The following NOTCH1 variants were observed in gnomAD, a reference collection of about 807,000 sequenced individuals.
NOTCH1 encodes the protein neurogenic locus notch homolog protein 1.
In NOTCH1, 37 loss-of-function variants were observed where a neutral mutation model predicts 254.8. That is an observed-to-expected ratio of 0.15 (90% CI 0.11 to 0.19). The LOEUF (loss-of-function observed/expected upper bound fraction) is 0.19, where lower values mean the gene tolerates loss of function less well. Among genes scored for constraint, NOTCH1 ranks in the 10% least tolerant of loss-of-function variants. The pLI is 1.00. For missense variants in NOTCH1, 2,972 were observed against 3,708.6 expected (o/e 0.80, Z 5.16); for synonymous variants, 1,731 against 1,618.1 (o/e 1.07, Z -1.68).
At position 136,496,668 on chromosome 9, in the gene NOTCH1, G is replaced by T. The variant is rs61751487; in HGVS notation, c.7071C>A (p.Ser2357Arg). The change falls in exon 34 of 34, where the codon AGC (serine) becomes AGA (arginine). Residue 2357 changes from serine to arginine, a missense_variant. Physicochemically the swap from Ser to Arg is moderately radical, Grantham distance 110. Around this residue, in one of 8 missense-constraint regions of NOTCH1, gnomAD observed 529 missense variants for 529.2 expected, o/e 1.00. Transcript: ENST00000651671. ...GGTAGCTCATCATCTGGGACAGGGC[G>T]CTGGCAGCAAGGCTACTGTGCAGCG... ...VGPLHSSLAASALSQMMSYQG... is the reference protein window; with the variant it reads ...VGPLHSSLAARALSQMMSYQG... 6.2e-7 allele frequency: 1 copy of T among 1,612,896 alleles called. No individual in the cohort carries two copies. The highest frequency in any genetic ancestry group is 8.5e-7 in the Non-Finnish European group (1 of 1,179,924).
rs2133369947 is a variant in NOTCH1, at chr9:136,518,282, G to A, written c.1110C>T (p.Cys370=). 1 of 1,610,324 alleles carries A rather than the reference G, an allele frequency of 6.2e-7. No homozygotes were observed. The highest frequency in any genetic ancestry group is 8.5e-7 in the Non-Finnish European group (1 of 1,179,100). Residue 370 remains cysteine (C), a synonymous_variant, in exon 7 of 34, where the codon TGC becomes TGT. Coordinates refer to ENST00000651671, the MANE Select transcript of NOTCH1 (RefSeq NM_017617.5). ...TGCTGATGCATGCGTCGTTGAGGTG[G>A]CACAGCAGACCTGGGCAGGCAGCGG... The part of the protein sequence containing the change: ...ECPHGRTGLL[C]HLNDACISNP...
chr9:136,514,999 G>C (rs1029013798), intron 12 of NOTCH1, among the ~76,000 whole-genome samples: 1 of 152,228 alleles, frequency 6.6e-6, no homozygotes, highest in Non-Finnish European at 1.5e-5. Flanking sequence ...GAGCCACAGA[G>C]GCAGAAGGTA....
At chr9:136,511,338 C>T (rs1271585950) in intron 15 of NOTCH1, 67 bp from the exon 16 acceptor site, 1 of 1,535,708 alleles carries the variant, frequency 6.5e-7, no homozygotes, top group South Asian at 1.2e-5. Flanking sequence ...TCGGCCACCG[C>T]CTGCTGGTCT....
rs1843332561 is a variant in NOTCH1 at position 136,519,480 on chromosome 9, C to T, written c.828G>A (p.Val276=). ...CKNGGACVDG[V]NTYNCRCPPE... is the part of the protein sequence containing the mutation. ...GCGGGCAGCGGCAGTTGTAGGTGTT[C>T]ACGCCGTCCACACAGGCACCCCCGT... Residue 276 remains valine (V), a synonymous_variant, in exon 5 of 34, where the codon GTG becomes GTA. Transcript: ENST00000651671. The T allele has an allele frequency of 6.2e-7, 1 of 1,612,856 alleles. No individual in the cohort carries two copies. Among genetic ancestry groups the T allele is most frequent in the Non-Finnish European group, 8.5e-7 (1 of 1,179,956 alleles).
In NOTCH1 at chr9:136,545,162, A is replaced by T. The variant is rs1589084708; in HGVS notation, c.61+564T>A. ...GGCTTCTTACGCAACCCCTCCCCCAAACTGAGAGCCGGGCTGGGGGGCACC... is the reference window on the plus strand; with the variant it reads ...GGCTTCTTACGCAACCCCTCCCCCATACTGAGAGCCGGGCTGGGGGGCACC... On this transcript the variant is annotated intron_variant, in intron 1 of 33. Transcript: ENST00000651671. This position sits in a 1 kb window ranked among gnomAD's most constrained non-coding sequence, Gnocchi z 6.8. 6.6e-6 allele frequency among the ~76,000 whole-genome samples: 1 copy of T among 150,436 alleles called. No individual in the cohort carries two copies. Among genetic ancestry groups the T allele is most frequent in the Non-Finnish European group, 1.5e-5 (1 of 67,418 alleles).
Position 136,500,723 on chromosome 9 carries a change from G to C in NOTCH1, c.5763C>G (p.His1921Gln), listed in dbSNP as rs1451972572. The C allele has an allele frequency of 1.2e-6, 2 of 1,608,776 alleles. No homozygotes were observed. The highest frequency in any genetic ancestry group is 1.7e-6 in the Non-Finnish European group (2 of 1,179,896). The change falls in exon 31 of 34, where the codon CAC (histidine) becomes CAG (glutamine). Residue 1921 changes from histidine (H) to glutamine (Q), a missense_variant. Around this residue, in one of 8 missense-constraint regions of NOTCH1, gnomAD observed 421 missense variants for 604.4 expected, o/e 0.70. Transcript: ENST00000651671. ...TCTCGCCCGTGCGGTCTGTCTGGTT[G>C]TGCAGGCTGGCGCCCTGGTAGATGA... Reference protein sequence around the residue: ...SDFIYQGASLHNQTDRTGETA... With the variant: ...SDFIYQGASLQNQTDRTGETA...
rs1397494660 is a variant in NOTCH1 at position 136,545,487 on chromosome 9, C to G, written c.61+239G>C. Among the ~76,000 whole-genome samples the G allele has an allele frequency of 3.9e-5, 6 of 152,164 alleles. No individual in the cohort carries two copies. The highest frequency in any genetic ancestry group is 1.4e-4 in the African/African-American group (6 of 41,528). Reference sequence around the variant, plus strand: ...CGGGGCCCCAGCACCCCACACCGGCCTCCTAACTCGGCTCCAGGCACGGGC... The same window carrying G: ...CGGGGCCCCAGCACCCCACACCGGCGTCCTAACTCGGCTCCAGGCACGGGC... On this transcript the variant is annotated intron_variant, in intron 1 of 33. Transcript: ENST00000651671. The surrounding 1 kb of genome is among the most constrained non-coding windows in gnomAD (Gnocchi z 6.8).
rs1291880434 is a variant in NOTCH1 at position 136,523,877 on chromosome 9, G to A, written c.243C>T (p.Gly81=). 8.7e-6 allele frequency: 14 copies of A among 1,610,216 alleles called. No homozygotes were observed. Among genetic ancestry groups the A allele is most frequent in the East Asian group, 2.2e-5 (1 of 44,826 alleles). ...AGTCHVVDRR[G]VADYACSCAL... is the part of the protein sequence containing the mutation. ...CACAGCTGCAGGCATAGTCTGCCAC[G>A]CCTCTGCGGTCCACCACGTGGCATG... The change falls in exon 3 of 34, where the codon GGC becomes GGT. Residue 81 remains glycine, a synonymous_variant. Coordinates refer to ENST00000651671, the MANE Select transcript of NOTCH1 (RefSeq NM_017617.5).
Position 136,522,868 on chromosome 9 carries a change from C to T in NOTCH1, c.724G>A (p.Glu242Lys), listed in dbSNP as rs564629053. 3.3e-6 allele frequency: 5 copies of T among 1,510,898 alleles called. No individual in the cohort carries two copies. Among genetic ancestry groups the T allele is most frequent in the African/African-American group, 1.4e-5 (1 of 72,680 alleles). The allele number at this position is 1,510,898 out of a possible 1,614,324, so 93.6% of individuals were successfully genotyped here. A position where few individuals can be genotyped will look rare whatever the true frequency, so the allele number is the denominator to read the frequency against. ...GCACTACCTGGCAGGCAGGCACACT[C>T]GTGGGTGACGTCGCCCGTGGGGCGG... is the stretch of plus-strand genomic sequence containing the variant. The part of the protein sequence containing the change: ...TCRPTGDVTH[E>K]CACLPGFTGQ... The change falls in exon 4 of 34, where the codon GAG (glutamate) becomes AAG (lysine). Residue 242 changes from glutamate to lysine, a missense_variant. By Grantham distance (56) the Glu-to-Lys change is moderately conservative (BLOSUM62 1). Transcript: ENST00000651671.
rs2133331940 is a variant in NOTCH1 at position 136,502,504 on chromosome 9, C to T, written c.5168-16G>A. On this transcript the variant is annotated splice_polypyrimidine_tract_variant and intron_variant, in intron 27 of 33. Transcript: ENST00000651671. Reference sequence around the variant, plus strand: ...ACGGTCTCACCTGCGGGCACGGGGGCCAGGGGCAGGTGCCCGGACATCAGG... The same window carrying T: ...ACGGTCTCACCTGCGGGCACGGGGGTCAGGGGCAGGTGCCCGGACATCAGG... 6.7e-7 allele frequency: 1 copy of T among 1,495,100 alleles called. No homozygotes were observed. Among genetic ancestry groups the T allele is most frequent in the Non-Finnish European group, 8.9e-7 (1 of 1,122,590 alleles). 92.6% of individuals were successfully genotyped at this position (1,495,100 alleles called of 1,614,324 possible).
At chr9:136,524,254 C>T (rs1414103567) in intron 2 of NOTCH1, among the ~76,000 whole-genome samples, 6 of 152,120 alleles carry the variant, frequency 3.9e-5, no homozygotes, top group South Asian at 2.1e-4. Context: ...TGCAGTGAGC[C>T]GAGATCACGC....
intron 18 of NOTCH1, 52 bp from the exon 19 acceptor site, chr9:136,509,123 C>T (rs765526652): frequency 5.8e-5 from 87 of 1,489,442 alleles, no homozygotes; most frequent in Middle Eastern, 2.3e-4. Flanking sequence ...GGTGGGTCCC[C>T]GCTCCAGCAG....
At chr9:136,532,360 C>T (rs1293379885) in intron 2 of NOTCH1, among the ~76,000 whole-genome samples, 3 of 152,208 alleles carry the variant, frequency 2.0e-5, no homozygotes, top group Admixed American at 6.5e-5. Context: ...CCAAAGATCT[C>T]GCACTACCTC....
rs367706382 is a variant in NOTCH1, at chr9:136,496,326, C to T, written c.7413G>A (p.Ser2471=). The T allele has an allele frequency of 3.8e-5, 61 of 1,594,402 alleles. No individual in the cohort carries two copies. Among genetic ancestry groups the T allele is most frequent in the Admixed American group, 2.6e-4 (15 of 57,160 alleles). ...SPALPTSLPS[S]LVPPVTAAQF... is the part of the protein sequence containing the mutation. ...GGGCTGCGGTCACGGGTGGGACCAG[C>T]GAGGATGGCAGCGACGTGGGCAGGG... is the stretch of plus-strand genomic sequence containing the variant. The change falls in exon 34 of 34, where the codon TCG becomes TCA. Residue 2471 remains serine (S), a synonymous_variant. Coordinates refer to ENST00000651671, the MANE Select transcript of NOTCH1 (RefSeq NM_017617.5).
intron 4 of NOTCH1, among the ~76,000 whole-genome samples, chr9:136,521,338 GC>G (rs1052474547): frequency 3.3e-5 from 5 of 151,946 alleles, no homozygotes; most frequent in African/African-American, 1.2e-4. Context: ...AACCCCACCA[GC>G]CCCTCCCCTT....
At position 136,523,949 on chromosome 9, in the gene NOTCH1, G is replaced by A. The variant is rs2133379767; in HGVS notation, c.171C>T (p.Cys57=). The change falls in exon 3 of 34, where the codon TGC becomes TGT. Residue 57 remains cysteine, a synonymous_variant. Coordinates refer to ENST00000651671, the MANE Select transcript of NOTCH1 (RefSeq NM_017617.5). ...VCGGAFVGPR[C]QDPNPCLSTP... ...TGCTGAGGCACGGGTTGGGGTCCTGGCATCGCGGGCCCACGAAGGCCCCGC... is the reference window on the plus strand; with the variant it reads ...TGCTGAGGCACGGGTTGGGGTCCTGACATCGCGGGCCCACGAAGGCCCCGC... The A allele has an allele frequency of 6.4e-7, 1 of 1,569,304 alleles. No individual in the cohort carries two copies. Among genetic ancestry groups the A allele is most frequent in the Non-Finnish European group, 8.6e-7 (1 of 1,157,160 alleles).
At position 136,523,091 on chromosome 9, in the gene NOTCH1, T is replaced by A. The variant is rs1554730657; in HGVS notation, c.501A>T (p.Pro167=). 1 of 1,597,290 alleles carries A rather than the reference T, an allele frequency of 6.3e-7. No homozygotes were observed. The highest frequency in any genetic ancestry group is 8.5e-7 in the Non-Finnish European group (1 of 1,172,934). Reference sequence around the variant, plus strand: ...GGCAGGTGGGGCCATGGAAGCTGGGTGGGCAGTGGCAGATGTAGGAGGCCT... The same window carrying A: ...GGCAGGTGGGGCCATGGAAGCTGGGAGGGCAGTGGCAGATGTAGGAGGCCT... ...PFEASYICHC[P]PSFHGPTCRQ... Residue 167 remains proline, a synonymous_variant, in exon 4 of 34, where the codon CCA becomes CCT. Coordinates refer to ENST00000651671, the MANE Select transcript of NOTCH1 (RefSeq NM_017617.5).
At position 136,502,046 on chromosome 9, in the gene NOTCH1, G is replaced by A. The variant is rs184874260; in HGVS notation, c.5427C>T (p.Asn1809=). The change falls in exon 29 of 34, where the codon AAC becomes AAT. Residue 1809 remains asparagine, a synonymous_variant. Transcript: ENST00000651671. ...NASDGALMDD[N]QNEWGDEDLE... ...GGTCCTCGTCCCCCCACTCATTCTG[G>A]TTGTCGTCCATGAGGGCACCGTCTG... 1 of 1,613,366 alleles carries A rather than the reference G, an allele frequency of 6.2e-7. No homozygotes were observed. Among genetic ancestry groups the A allele is most frequent in the East Asian group, 2.2e-5 (1 of 44,868 alleles).
At position 136,501,826 on chromosome 9, in the gene NOTCH1, G is replaced by A. The variant is rs376689092; in HGVS notation, c.5560C>T (p.Arg1854Cys). 24 of 1,612,612 alleles carry A rather than the reference G, an allele frequency of 1.5e-5. No individual in the cohort carries two copies. The highest frequency in any genetic ancestry group is 1.9e-5 in the Non-Finnish European group (22 of 1,179,958). Residue 1854 changes from arginine to cysteine, a missense_variant, in exon 30 of 34, where the codon CGC becomes TGC. By Grantham distance (180) the Arg-to-Cys change is radical. This residue lies in a region of NOTCH1 where 421 missense variants were observed against 604.4 expected (regional missense o/e 0.70). Coordinates refer to ENST00000651671, the MANE Select transcript of NOTCH1 (RefSeq NM_017617.5). ...GGTGTGGGGGCCATGGCAGACATGC[G>A]CAGGTCAGCGGCATCCAGGTGCTGC... ...TQQHLDAADL[R>C]MSAMAPTPPQ...
Sources: gnomAD v4.1 joint callset for allele counts (sites outside exome capture counted in the v4.1 genomes callset) on GRCh38, gnomAD v4.1.1 for gene constraint, gnomAD v4.1.1 regional missense constraint, Gnocchi (gnomAD v3.1) non-coding constraint, MANE v1.5 for transcripts, NCBI Gene and HGNC (gene_info 2026-07-23, HGNC 2026-07-21) for gene names.